GPC5: variants seen among roughly 807,000 people sequenced by gnomAD.
GPC5 encodes glypican-5.
In GPC5, 47 loss-of-function variants were observed where a neutral mutation model predicts 53.9. The ratio of observed to expected loss-of-function variants is 0.87; its 90% CI spans 0.69 to 1.11. The LOEUF is 1.11. Ranked by LOEUF, GPC5 falls within the 50% of genes most tolerant of loss-of-function variation. The pLI is 0.00. For synonymous variants in GPC5, 286 were observed against 263.3 expected, an observed-to-expected ratio of 1.09 and a Z score of -0.84; for missense variants, 748 against 713.1, an observed-to-expected ratio of 1.05 and a Z score of -0.56.
At chr13:92,283,173 A>G (rs746672483) in intron 7 of GPC5, among the ~76,000 whole-genome samples, 2 of 152,222 alleles carry the variant, frequency 1.3e-5, no homozygotes, top group Non-Finnish European at 2.9e-5. Context: ...AAAGGGATCA[A>G]TTCAATAAGA....
chr13:92,263,793 T>A (rs767039376), intron 7 of GPC5, among the ~76,000 whole-genome samples: 15 of 152,168 alleles, frequency 9.9e-5, no homozygotes, highest in Admixed American at 2.0e-4. Flanking sequence ...ATATCACCGA[T>A]AAAAATCTTT....
At chr13:91,572,115 A>C in intron 2 of GPC5, among the ~76,000 whole-genome samples, 1 of 125,690 alleles carries the variant, frequency 8.0e-6, no homozygotes, top group Non-Finnish European at 1.7e-5. Context: ...ACACACATGT[A>C]TATATACGTG....
At chr13:91,485,828 G>T (rs1883576865) in intron 2 of GPC5, 1 of 152,168 alleles carries the variant, frequency 6.6e-6, no homozygotes, top group Non-Finnish European at 1.5e-5. Flanking sequence ...GTTGTAGGAG[G>T]ATTACAACAT....
chr13:91,416,244 A>G (rs1176685564), intron 1 of GPC5, among the ~76,000 whole-genome samples: 1 of 152,176 alleles, frequency 6.6e-6, no homozygotes, highest in Admixed American at 6.5e-5. Context: ...AAGAACCCTC[A>G]TTAAGTTGAC....
At position 92,468,238 on chromosome 13, in the gene GPC5, T is replaced by G. The variant is rs547797726; in HGVS notation, c.1561+323249T>G. On this transcript the variant is annotated intron_variant, in intron 7 of 7. Coordinates refer to ENST00000377067, the MANE Select transcript of GPC5 (RefSeq NM_004466.6). ...TGTTGGAAACCAGATAATACAAAGC[T>G]ATTGCTTCCCTTCAAGGGAAACAAG... Among the ~76,000 whole-genome samples, 7 of 152,198 alleles carry G rather than the reference T, an allele frequency of 4.6e-5. No individual in the cohort carries two copies. In the South Asian group the frequency reaches 1.5e-3, roughly 32 times the overall value.
intron 2 of GPC5, among the ~76,000 whole-genome samples, chr13:91,623,564 G>A (rs998853509): frequency 6.6e-6 from 1 of 152,060 alleles, no homozygotes; most frequent in South Asian, 2.1e-4. Context: ...TCTTATTTAT[G>A]GCTAGTAGAT....
At chr13:92,238,763 TTTTGATGTTCAA>T (rs1444058242) in intron 7 of GPC5, among the ~76,000 whole-genome samples, 5 of 135,072 alleles carry the variant, frequency 3.7e-5, no homozygotes, top group Non-Finnish European at 7.8e-5. Context: ...AAGTTTTTAA[TTTTGATGTTCAA>T]TTTATCTTTT....
chr13:91,839,452 T>C (rs1040203068), intron 5 of GPC5, among the ~76,000 whole-genome samples: 8 of 152,150 alleles, frequency 5.3e-5, no homozygotes, highest in Non-Finnish European at 1.0e-4. Context: ...ATAGTAGGGC[T>C]AGTACTCTCT....
At chr13:92,374,446 A>G (rs2043675975) in intron 7 of GPC5, among the ~76,000 whole-genome samples, 1 of 152,102 alleles carries the variant, frequency 6.6e-6, no homozygotes, top group Non-Finnish European at 1.5e-5. Flanking sequence ...TAAGATATAT[A>G]TATGCACAAT....
At chr13:92,485,752 G>T (rs1879530038) in intron 7 of GPC5, among the ~76,000 whole-genome samples, 1 of 152,174 alleles carries the variant, frequency 6.6e-6, no homozygotes, top group South Asian at 2.1e-4. Flanking sequence ...AAGGTGGGTG[G>T]ATCACCTGAG....
intron 5 of GPC5, among the ~76,000 whole-genome samples, chr13:91,824,131 A>G (rs144492131): frequency 8.3e-4 from 127 of 152,180 alleles, no homozygotes; most frequent in African/African-American, 2.8e-3. Flanking sequence ...GTATAAATCT[A>G]TTTCATTTCT....
At chr13:91,639,539 T>A (rs1237871001) in intron 2 of GPC5, among the ~76,000 whole-genome samples, 1 of 152,196 alleles carries the variant, frequency 6.6e-6, no homozygotes, top group Non-Finnish European at 1.5e-5. Context: ...GCTCTAAATA[T>A]CTTCCCTGGA....
intron 7 of GPC5, among the ~76,000 whole-genome samples, chr13:92,420,001 C>T (rs575375012): frequency 6.6e-6 from 1 of 152,212 alleles, no homozygotes; most frequent in South Asian, 2.1e-4. Flanking sequence ...ACCTCTCCAC[C>T]TAGTTCTTTT....
intron 2 of GPC5, among the ~76,000 whole-genome samples, chr13:91,673,011 G>GT (rs2035286125): frequency 6.6e-6 from 1 of 151,942 alleles, no homozygotes; most frequent in South Asian, 2.1e-4. Flanking sequence ...GTTCTCATTC[G>GT]TAAGTGGGAG....
intron 7 of GPC5, among the ~76,000 whole-genome samples, chr13:92,841,670 G>A (rs546201278): frequency 1.3e-5 from 2 of 152,108 alleles, no homozygotes; most frequent in East Asian, 3.9e-4. Flanking sequence ...CAAATTTCCT[G>A]GGTTGTCTCA....
chr13:92,742,284 G>T (rs570937262), intron 7 of GPC5, among the ~76,000 whole-genome samples: 6 of 151,738 alleles, frequency 4.0e-5, no homozygotes, highest in Admixed American at 3.3e-4. Context: ...ATTCTAACTG[G>T]TGTGAGATGG....
At chr13:91,707,608 A>G (rs345454) in intron 3 of GPC5, among the ~76,000 whole-genome samples, 28,980 of 152,030 alleles carry the variant, frequency 0.19, 3,711 homozygotes, top group African/African-American at 0.36. Context: ...GTGACAGAGC[A>G]AGGCCCTGTC....
At chr13:92,091,153 CA>C (rs1381387753) in intron 6 of GPC5, among the ~76,000 whole-genome samples, 1 of 152,080 alleles carries the variant, frequency 6.6e-6, no homozygotes, top group East Asian at 1.9e-4. Context: ...GACACCATGA[CA>C]ATATAAAAAT....
At chr13:92,381,877 T>A (rs1594150317) in intron 7 of GPC5, among the ~76,000 whole-genome samples, 2 of 93,532 alleles carry the variant, frequency 2.1e-5, no homozygotes, top group African/African-American at 8.2e-5. Flanking sequence ...ATCATATATA[T>A]GATTATATAT....
Sources: allele counts gnomAD v4.1 joint callset (sites outside exome capture counted in the v4.1 genomes callset), GRCh38; gene constraint gnomAD v4.1.1; transcripts MANE v1.5; gene names NCBI Gene and HGNC (gene_info 2026-07-23, HGNC 2026-07-21).